CSMD1: variants seen among roughly 807,000 people sequenced by gnomAD.
CSMD1 encodes the protein CUB and Sushi multiple domains 1.
In CSMD1, 213 loss-of-function variants were observed where a neutral mutation model predicts 417.5. The ratio of observed to expected loss-of-function variants is 0.51; its 90% CI spans 0.46 to 0.57. The LOEUF (loss-of-function observed/expected upper bound fraction) is 0.57. CSMD1 is among the 20% of genes least tolerant of loss of function. CSMD1 has a pLI of 0.00. For missense variants in CSMD1, 6,923 were observed against 4,529.7 expected (o/e 1.53, Z -15.17); for synonymous variants, 2,862 against 1,736.8 (o/e 1.65, Z -16.11).
At chr8:4,026,830 G>C (rs1347579186) in intron 4 of CSMD1, among the ~76,000 whole-genome samples, 2 of 152,138 alleles carry the variant, frequency 1.3e-5, no homozygotes, top group African/African-American at 4.8e-5. Flanking sequence ...GAGATGACAG[G>C]GAGACTCTGT....
intron 12 of CSMD1, among the ~76,000 whole-genome samples, chr8:3,419,164 G>C (rs985464089): frequency 2.0e-5 from 3 of 152,154 alleles, no homozygotes; most frequent in African/African-American, 7.2e-5. Flanking sequence ...AACTCAGCAG[G>C]AACTGAACTT....
At chr8:3,786,890 C>T (rs540812672) in intron 5 of CSMD1, among the ~76,000 whole-genome samples, 7 of 152,058 alleles carry the variant, frequency 4.6e-5, no homozygotes, top group Non-Finnish European at 8.8e-5. Flanking sequence ...GACCTAAAAG[C>T]CCCACCTCCT....
chr8:3,180,117 T>G (rs982991208), intron 37 of CSMD1, among the ~76,000 whole-genome samples: 2 of 152,232 alleles, frequency 1.3e-5, no homozygotes, highest in Non-Finnish European at 2.9e-5. Context: ...CGTTAAACAT[T>G]TTTAGTGCTT....
rs564903834 is a variant in CSMD1, at chr8:3,074,680, T to C, written c.7474+12417A>G. Among the ~76,000 whole-genome samples, 4 of 152,358 alleles carry C rather than the reference T, an allele frequency of 2.6e-5. No homozygotes were observed. In the East Asian group the frequency reaches 5.8e-4, roughly 22 times the overall value. ...GTATGCATGTCTGCATTTTATCTAA[T>C]AGTTAGAAACGACATAACTGGTCAT... is the stretch of plus-strand genomic sequence containing the variant. On this transcript the variant is annotated intron_variant, in intron 49 of 69. Transcript: ENST00000635120.
chr8:4,944,797 G>T (rs1383140374), intron 1 of CSMD1, among the ~76,000 whole-genome samples: 1 of 152,266 alleles, frequency 6.6e-6, no homozygotes, highest in African/African-American at 2.4e-5. Flanking sequence ...TGCACTCTTG[G>T]TGGGAATGCA....
At chr8:4,853,920 G>A (rs1360174879) in intron 1 of CSMD1, among the ~76,000 whole-genome samples, 1 of 152,108 alleles carries the variant, frequency 6.6e-6, no homozygotes. Context: ...AGCTCTGCTG[G>A]GTTTCAGAAT....
intron 5 of CSMD1, among the ~76,000 whole-genome samples, chr8:3,871,707 T>C (rs1434165430): frequency 1.3e-5 from 2 of 152,206 alleles, no homozygotes; most frequent in Non-Finnish European, 2.9e-5. Context: ...TAAATGTGTC[T>C]CAAAAAATTG....
intron 29 of CSMD1, among the ~76,000 whole-genome samples, chr8:3,218,327 C>T (rs1237870203): frequency 1.3e-5 from 2 of 151,676 alleles, no homozygotes; most frequent in Non-Finnish European, 2.9e-5. Flanking sequence ...TTTGGGAGGC[C>T]GAGGTGGGAG....
chr8:3,459,350 C>A (rs540220015), intron 12 of CSMD1, among the ~76,000 whole-genome samples: 13 of 152,160 alleles, frequency 8.5e-5, no homozygotes, highest in African/African-American at 3.1e-4. Flanking sequence ...CACAACACAG[C>A]GGCCGTAATA....
chr8:4,549,216 C>T (rs1297404269), intron 2 of CSMD1, among the ~76,000 whole-genome samples: 1 of 152,152 alleles, frequency 6.6e-6, no homozygotes, highest in African/African-American at 2.4e-5. Flanking sequence ...CCATTGGCAG[C>T]AATGTAATGT....
chr8:4,759,662 G>C (rs1201380588), intron 1 of CSMD1, among the ~76,000 whole-genome samples: 3 of 152,130 alleles, frequency 2.0e-5, no homozygotes, highest in Non-Finnish European at 4.4e-5. Context: ...AGAATATGTG[G>C]TGTTTGGTTT....
At chr8:4,433,334 G>C (rs1342270549) in intron 2 of CSMD1, among the ~76,000 whole-genome samples, 1 of 152,152 alleles carries the variant, frequency 6.6e-6, no homozygotes, top group South Asian at 2.1e-4. Context: ...GCACCAGAAA[G>C]GTTGGGGACT....
At chr8:3,662,356 T>C (rs1798462914) in intron 7 of CSMD1, among the ~76,000 whole-genome samples, 1 of 152,188 alleles carries the variant, frequency 6.6e-6, no homozygotes, top group Admixed American at 6.5e-5. Flanking sequence ...CTCTCCCCAC[T>C]CCTCCTCTCC....
At chr8:4,597,235 A>T (rs529390127) in intron 2 of CSMD1, among the ~76,000 whole-genome samples, 35 of 152,334 alleles carry the variant, frequency 2.3e-4, no homozygotes, top group Non-Finnish European at 4.7e-4. Flanking sequence ...TAATAACAAT[A>T]GTGGTGATAT....
At chr8:3,150,640 C>A (rs921353732) in intron 40 of CSMD1, among the ~76,000 whole-genome samples, 1 of 152,188 alleles carries the variant, frequency 6.6e-6, no homozygotes, top group Non-Finnish European at 1.5e-5. Flanking sequence ...TACCCAGCTA[C>A]TCTGCCCGAG....
chr8:3,320,015 C>T (rs1439861681), intron 23 of CSMD1, among the ~76,000 whole-genome samples: 2 of 152,132 alleles, frequency 1.3e-5, no homozygotes, highest in Admixed American at 1.3e-4. Flanking sequence ...GACCGGGCCC[C>T]AACTTCAGGA....
intron 3 of CSMD1, among the ~76,000 whole-genome samples, chr8:4,186,602 C>G (rs139795163): frequency 6.6e-6 from 1 of 151,840 alleles, no homozygotes; most frequent in African/African-American, 2.4e-5. Flanking sequence ...TCAAATCAGC[C>G]CCTCTCTCAA....
intron 1 of CSMD1, among the ~76,000 whole-genome samples, chr8:4,954,115 T>C (rs1335542748): frequency 6.6e-6 from 1 of 150,728 alleles, no homozygotes; most frequent in Non-Finnish European, 1.5e-5. Context: ...AAACACATTA[T>C]TTTATTTCTA....
chr8:4,160,860 A>G (rs995931475), intron 3 of CSMD1, among the ~76,000 whole-genome samples: 4 of 152,264 alleles, frequency 2.6e-5, no homozygotes, highest in Non-Finnish European at 5.9e-5. Context: ...TATTTCCTTA[A>G]GGAGAAATTC....
Sources: gnomAD v4.1 joint callset for allele counts (sites outside exome capture counted in the v4.1 genomes callset) on GRCh38, gnomAD v4.1.1 for gene constraint, MANE v1.5 for transcripts, NCBI Gene and HGNC (gene_info 2026-07-23, HGNC 2026-07-21) for gene names.